The following THSD4 variants were observed in gnomAD, a reference collection of about 807,000 sequenced individuals.
THSD4 encodes the protein thrombospondin type 1 domain containing 4, also known as thrombospondin type-1 domain-containing protein 4.
Under a neutral mutation model 119.0 loss-of-function variants are expected in THSD4, and 69 were observed. That is an observed-to-expected ratio of 0.58 (90% CI 0.48 to 0.71). The LOEUF (loss-of-function observed/expected upper bound fraction) is 0.71. Ranked by LOEUF, THSD4 falls within the 30% of genes least tolerant of loss-of-function variation. The pLI is 0.00. For synonymous variants in THSD4, 524 were observed against 540.4 expected, an observed-to-expected ratio of 0.97 and a Z score of 0.42; for missense variants, 1,393 against 1,391.1, an observed-to-expected ratio of 1.00 and a Z score of -0.02.
intron 6 of THSD4, among the ~76,000 whole-genome samples, chr15:71,377,973 T>C (rs2046172578): frequency 6.6e-6 from 1 of 151,208 alleles, no homozygotes; most frequent in Non-Finnish European, 1.5e-5. Flanking sequence ...TAAATTGTCC[T>C]GCCATTTTCC....
chr15:71,496,254 T>C (rs140090122), intron 7 of THSD4, among the ~76,000 whole-genome samples: 2 of 152,216 alleles, frequency 1.3e-5, no homozygotes, highest in African/African-American at 2.4e-5. Flanking sequence ...ACAAAATTAA[T>C]GTTTCATATT....
Position 71,368,364 on chromosome 15 carries a change from C to G in THSD4, c.1016-43323C>G, listed in dbSNP as rs146702833. ...TTAGACATGAAGTCCTTGCCCATGCCTATGTCCTGAATGTAATTGCCTAGG... is the reference window on the plus strand; with the variant it reads ...TTAGACATGAAGTCCTTGCCCATGCGTATGTCCTGAATGTAATTGCCTAGG... On this transcript the variant is annotated intron_variant, in intron 6 of 17. Coordinates refer to ENST00000261862, the MANE Select transcript of THSD4 (RefSeq NM_024817.3). Among the ~76,000 whole-genome samples the G allele has an allele frequency of 3.8e-3, 573 of 152,304 alleles. 2 individuals are homozygous for G. Among genetic ancestry groups the G allele is most frequent in the African/African-American group, 0.013 (556 of 41,564 alleles).
chr15:71,450,478 T>C (rs150322195), intron 7 of THSD4, among the ~76,000 whole-genome samples: 8 of 152,324 alleles, frequency 5.3e-5, no homozygotes, highest in Non-Finnish European at 1.0e-4. Flanking sequence ...CCAGCTTCTA[T>C]CACTTACAAG....
intron 6 of THSD4, among the ~76,000 whole-genome samples, chr15:71,346,009 G>A (rs1340883654): frequency 6.6e-6 from 1 of 152,010 alleles, no homozygotes; most frequent in Non-Finnish European, 1.5e-5. Context: ...TTGATATATT[G>A]CTACCACCCA....
chr15:71,203,605 G>T (rs1302012213), intron 3 of THSD4, among the ~76,000 whole-genome samples: 3 of 152,214 alleles, frequency 2.0e-5, no homozygotes, highest in African/African-American at 7.2e-5. Flanking sequence ...GTCAGAGGTT[G>T]CAGTGAGCCG....
At chr15:71,511,715 AT>A (rs1411658200) in intron 7 of THSD4, among the ~76,000 whole-genome samples, 4 of 152,156 alleles carry the variant, frequency 2.6e-5, no homozygotes, top group Non-Finnish European at 4.4e-5. Context: ...TTCTTGTCAT[AT>A]TTTATACAAT....
intron 7 of THSD4, among the ~76,000 whole-genome samples, chr15:71,419,802 T>C (rs1470228445): frequency 9.2e-6 from 1 of 108,428 alleles, no homozygotes; most frequent in African/African-American, 3.1e-5. Context: ...CCTCTTGTTA[T>C]TATTTTCTGG....
chr15:71,582,698 T>G (rs899372115), intron 7 of THSD4, among the ~76,000 whole-genome samples: 8 of 152,152 alleles, frequency 5.3e-5, no homozygotes, highest in African/African-American at 1.9e-4. Context: ...GGATGTTGAA[T>G]TTTGTCAAAT....
intron 6 of THSD4, among the ~76,000 whole-genome samples, chr15:71,275,618 T>G (rs1490913958): frequency 6.6e-6 from 1 of 152,208 alleles, no homozygotes; most frequent in Non-Finnish European, 1.5e-5. Context: ...ACTGATACAG[T>G]CTGATTTGGC....
intron 7 of THSD4, among the ~76,000 whole-genome samples, chr15:71,514,825 A>G (rs1300975866): frequency 2.0e-5 from 3 of 152,338 alleles, no homozygotes; most frequent in South Asian, 2.1e-4. Flanking sequence ...TTTAAACAAC[A>G]TATCAGTGAA....
At chr15:71,701,848 A>T (rs1595875639) in intron 8 of THSD4, among the ~76,000 whole-genome samples, 1 of 152,106 alleles carries the variant, frequency 6.6e-6, no homozygotes, top group Non-Finnish European at 1.5e-5. Flanking sequence ...AAGAAGTGAG[A>T]CCTTCCACTT....
At chr15:71,649,505 GAC>G (rs1241754883) in intron 7 of THSD4, among the ~76,000 whole-genome samples, 3 of 152,148 alleles carry the variant, frequency 2.0e-5, no homozygotes, top group Admixed American at 2.0e-4. Flanking sequence ...TTGAACTCCT[GAC>G]CTCAGGTGAT....
At chr15:71,174,139 T>C (rs1442303574) in intron 3 of THSD4, among the ~76,000 whole-genome samples, 2 of 151,944 alleles carry the variant, frequency 1.3e-5, no homozygotes, top group African/African-American at 4.8e-5. Context: ...CGAGCAGAAA[T>C]AGGAGCCAAG....
intron 7 of THSD4, among the ~76,000 whole-genome samples, chr15:71,442,662 A>ATGTATGTATGTATG (rs1293956011): frequency 2.2e-4 from 8 of 36,042 alleles, no homozygotes; most frequent in Admixed American, 3.2e-4. Flanking sequence ...GTGTGTGTGT[A>ATGTATGTATGTATG]TATATATATA....
At chr15:71,481,512 T>C (rs2047729099) in intron 7 of THSD4, among the ~76,000 whole-genome samples, 1 of 152,180 alleles carries the variant, frequency 6.6e-6, no homozygotes, top group East Asian at 1.9e-4. Context: ...GCAGTGGTAG[T>C]GGAGAAGTAA....
chr15:71,745,069 G>A (rs547326908), intron 11 of THSD4, 37 bp from the exon 12 acceptor site: 1 of 1,599,744 alleles, frequency 6.3e-7, no homozygotes, highest in Non-Finnish European at 8.5e-7. Context: ...TTTCCAGTGT[G>A]TGGGACTGTC....
intron 7 of THSD4, among the ~76,000 whole-genome samples, chr15:71,463,798 T>C (rs1031852755): frequency 6.6e-6 from 1 of 152,256 alleles, no homozygotes; most frequent in Non-Finnish European, 1.5e-5. Context: ...TCTCTCTAGC[T>C]ATGCTGAGTT....
At chr15:71,636,250 C>T (rs2050737344) in intron 7 of THSD4, among the ~76,000 whole-genome samples, 1 of 152,022 alleles carries the variant, frequency 6.6e-6, no homozygotes, top group South Asian at 2.1e-4. Flanking sequence ...GGTGAAACCC[C>T]ATCTCTACTA....
chr15:71,457,409 A>T (rs549453939), intron 7 of THSD4, among the ~76,000 whole-genome samples: 49 of 147,716 alleles, frequency 3.3e-4, no homozygotes, highest in African/African-American at 1.2e-3. Flanking sequence ...AAAAGCCAAG[A>T]TGGTAATGCA....
Sources: allele counts gnomAD v4.1 joint callset (sites outside exome capture counted in the v4.1 genomes callset), GRCh38; gene constraint gnomAD v4.1.1; transcripts MANE v1.5; gene names NCBI Gene and HGNC (gene_info 2026-07-23, HGNC 2026-07-21).